The following PLCH1 variants were observed in gnomAD, a reference collection of about 807,000 sequenced individuals.
PLCH1 encodes 1-phosphatidylinositol 4,5-bisphosphate phosphodiesterase eta-1.
A neutral mutation model predicts 126.7 loss-of-function variants in PLCH1; 60 were observed. The ratio of observed to expected loss-of-function variants is 0.47; its 90% CI spans 0.38 to 0.59. The LOEUF is 0.59. PLCH1 is among the 20% of genes least tolerant of loss of function. The pLI, the probability that PLCH1 is intolerant of heterozygous loss-of-function variation, is 0.00. For synonymous variants in PLCH1, 719 were observed against 734.9 expected, an observed-to-expected ratio of 0.98 and a Z score of 0.35; for missense variants, 1,723 against 2,040.0, an observed-to-expected ratio of 0.84 and a Z score of 2.99.
intron 21 of PLCH1, among the ~76,000 whole-genome samples, chr3:155,486,625 C>T (rs1012470346): frequency 1.3e-4 from 19 of 150,224 alleles, no homozygotes; most frequent in Non-Finnish European, 2.4e-4. Flanking sequence ...CCCGGGTTCA[C>T]GCCATTCTCC....
intron 1 of PLCH1, among the ~76,000 whole-genome samples, chr3:155,714,885 T>C (rs988418914): frequency 2.0e-5 from 3 of 152,238 alleles, no homozygotes; most frequent in African/African-American, 7.2e-5. Flanking sequence ...GGCTTTTATA[T>C]CGAAGTTATC....
chr3:155,594,249 G>A (rs1276338247), intron 3 of PLCH1, 65 bp from the exon 4 acceptor site: 7 of 1,461,480 alleles, frequency 4.8e-6, no homozygotes, highest in Non-Finnish European at 6.6e-6. Context: ...CATGCACTAA[G>A]AAACAAGAAA....
chr3:155,684,369 A>T lies in PLCH1; in HGVS notation c.79+19777T>A, dbSNP rs114737284. ...CAGGCCACCCAAACTCAAAGGCCTG[A>T]CTAAAGAGAGTTCAAACTTCGAGGC... On this transcript the variant is annotated intron_variant, in intron 2 of 22. Coordinates refer to ENST00000460012, the MANE Select transcript of PLCH1 (RefSeq NM_014996.4). Among the ~76,000 whole-genome samples, 1,026 of 152,292 alleles carry T rather than the reference A, an allele frequency of 6.7e-3. 14 individuals are homozygous for T. Among genetic ancestry groups the T allele is most frequent in the African/African-American group, 0.024 (993 of 41,560 alleles).
chr3:155,671,442 C>A (rs1163836755), intron 2 of PLCH1, among the ~76,000 whole-genome samples: 1 of 152,100 alleles, frequency 6.6e-6, no homozygotes, highest in African/African-American at 2.4e-5. Flanking sequence ...TTTATATAGT[C>A]ACAATAATGT....
chr3:155,679,029 A>AT (rs1302703577), intron 2 of PLCH1, among the ~76,000 whole-genome samples: 6 of 152,308 alleles, frequency 3.9e-5, no homozygotes, highest in Non-Finnish European at 8.8e-5. Flanking sequence ...ATAAAGTGTA[A>AT]TAGGTAAAAG....
chr3:155,706,180 A>T (rs1359112993), intron 1 of PLCH1, among the ~76,000 whole-genome samples: 1 of 132,138 alleles, frequency 7.6e-6, no homozygotes, highest in Non-Finnish European at 1.6e-5. Flanking sequence ...CTCAAAAAAA[A>T]AAAAAAAAAA....
chr3:155,549,965 A>G lies in PLCH1; in HGVS notation c.1191-7T>C, dbSNP rs1242558209. 1.2e-6 allele frequency: 2 copies of G among 1,612,882 alleles called. No individual in the cohort carries two copies. Among genetic ancestry groups the G allele is most frequent in the Non-Finnish European group, 1.7e-6 (2 of 1,179,290 alleles). On this transcript the variant is annotated splice_polypyrimidine_tract_variant and splice_region_variant and intron_variant, in intron 9 of 22. Coordinates refer to ENST00000460012, the MANE Select transcript of PLCH1 (RefSeq NM_014996.4). ...AGACAATATAACAGGAAACCTGAGA[A>G]AAGAGCAACACAGTCCAGAGGCGTC...
downstream of PLCH1, among the ~76,000 whole-genome samples, chr3:155,475,254 T>G (rs564323055): frequency 6.3e-4 from 95 of 151,976 alleles, no homozygotes; most frequent in Admixed American, 3.6e-3. Flanking sequence ...ATTTTAAAAT[T>G]TCTACAGGAT....
chr3:155,542,442 C>T (rs1202591391), intron 10 of PLCH1, among the ~76,000 whole-genome samples: 1 of 152,126 alleles, frequency 6.6e-6, no homozygotes, highest in East Asian at 1.9e-4. Flanking sequence ...TCTGTAGGCT[C>T]CACCTCTGGG....
chr3:155,663,205 G>T (rs1742375427), intron 2 of PLCH1, among the ~76,000 whole-genome samples: 1 of 152,076 alleles, frequency 6.6e-6, no homozygotes, highest in African/African-American at 2.4e-5. Flanking sequence ...TTCTAGAAAG[G>T]TTTTCTGGCT....
rs138254290 is a variant in PLCH1 at position 155,498,920 on chromosome 3, T to C, written c.1797-1503A>G. ...CCCCTCACACACACACTTTTTCTTA[T>C]GGGAAACAACTACCAAAAACAAACC... On this transcript the variant is annotated intron_variant, in intron 14 of 22. Coordinates refer to ENST00000460012, the MANE Select transcript of PLCH1 (RefSeq NM_014996.4). Among the ~76,000 whole-genome samples the C allele has an allele frequency of 2.0e-5, 3 of 152,264 alleles. No homozygotes were observed. The East Asian group carries it at 5.8e-4, about 29-fold the overall frequency.
intron 3 of PLCH1, among the ~76,000 whole-genome samples, chr3:155,595,268 C>A (rs1732835840): frequency 6.6e-6 from 1 of 152,166 alleles, no homozygotes; most frequent in Non-Finnish European, 1.5e-5. Context: ...AAGCACAGGG[C>A]AAGAAGGATA....
At chr3:155,672,485 T>C (rs1308271596) in intron 2 of PLCH1, among the ~76,000 whole-genome samples, 1 of 152,214 alleles carries the variant, frequency 6.6e-6, no homozygotes, top group African/African-American at 2.4e-5. Context: ...CAGACCTTCC[T>C]GCCCTAATGT....
chr3:155,509,056 T>G lies in PLCH1; in HGVS notation c.1633-4430A>C, dbSNP rs1388684381. On this transcript the variant is annotated intron_variant, in intron 12 of 22. Transcript: ENST00000460012. ...AGCCTCTTATTGGTCTATTCAGAGA[T>G]TCAACTTCTTCCTGTTTTAGTCTTG... Among the ~76,000 whole-genome samples, 654 of 138,594 alleles carry G rather than the reference T, an allele frequency of 4.7e-3. 10 individuals carry two copies. The highest frequency in any genetic ancestry group is 7.4e-3 in the South Asian group (32 of 4,300). The allele number at this position is 138,594 out of a possible 152,430, so 90.9% of individuals were successfully genotyped here. A position where few individuals can be genotyped will look rare whatever the true frequency, so the allele number is the denominator to read the frequency against.
chr3:155,624,504 T>G (rs192566679), intron 2 of PLCH1, among the ~76,000 whole-genome samples: 218 of 152,236 alleles, frequency 1.4e-3, no homozygotes, highest in Non-Finnish European at 2.1e-3. Context: ...GAAAACCCCA[T>G]TGTCTCAGCC....
rs201955228 is a variant in PLCH1, at chr3:155,481,810, G to A, written c.4216C>T (p.Arg1406Cys). The A allele has an allele frequency of 3.2e-5, 51 of 1,613,994 alleles. No individual in the cohort carries two copies. The highest frequency in any genetic ancestry group is 1.3e-4 in the East Asian group (6 of 44,896). The change falls in exon 23 of 23, where the codon CGC becomes TGC. Residue 1406 changes from arginine (R) to cysteine (C), a missense_variant. By Grantham distance (180) the Arg-to-Cys change is radical. This residue lies in a region of PLCH1 where 947 missense variants were observed against 977.1 expected (regional missense o/e 0.97). Coordinates refer to ENST00000460012, the MANE Select transcript of PLCH1 (RefSeq NM_014996.4). The surrounding 1 kb of genome is among the most constrained non-coding windows in gnomAD (Gnocchi z 4.2). ...TTGAATATTTCAGGGACAGAAGGGC[G>A]GAGGGTCTCTTTACAGTAGCCGTTT... ...LRNGYCKETL[R>C]PSVPEIFNNI...
rs376317534 is a variant in PLCH1, at chr3:155,486,681, C to T, written c.2620-971G>A. ...CTGGGACTACAGGCGCCGGCCACCG[C>T]GCCCGGCTAATTTTTTGTATTTTTA... On this transcript the variant is annotated intron_variant, in intron 21 of 22. Coordinates refer to ENST00000460012, the MANE Select transcript of PLCH1 (RefSeq NM_014996.4). 3.3e-5 allele frequency among the ~76,000 whole-genome samples: 5 copies of T among 151,532 alleles called. No individual in the cohort carries two copies. The South Asian group carries it at 6.2e-4, about 19-fold the overall frequency.
At chr3:155,547,295 A>T (rs2108434715) in intron 10 of PLCH1, among the ~76,000 whole-genome samples, 1 of 152,002 alleles carries the variant, frequency 6.6e-6, no homozygotes, top group African/African-American at 2.4e-5. Flanking sequence ...AAAAATGCTC[A>T]CCATCACTAG....
intron 1 of PLCH1, among the ~76,000 whole-genome samples, chr3:155,731,432 A>C (rs1160516855): frequency 3.9e-5 from 6 of 152,174 alleles, no homozygotes; most frequent in Non-Finnish European, 8.8e-5. Context: ...GGTCCACGCC[A>C]GTGGATCCAA....
Sources: allele counts gnomAD v4.1 joint callset (sites outside exome capture counted in the v4.1 genomes callset), GRCh38; gene constraint gnomAD v4.1.1; regional missense constraint gnomAD v4.1.1; non-coding constraint Gnocchi (gnomAD v3.1); transcripts MANE v1.5; gene names NCBI Gene and HGNC (gene_info 2026-07-23, HGNC 2026-07-21).